The following ACTR3C variants were observed in gnomAD, a reference collection of about 807,000 sequenced individuals.
ACTR3C encodes the protein actin related protein 3C, also known as actin-related protein 3C.
ACTR3C carries 18 observed loss-of-function variants against 26.3 expected under a neutral mutation model. That is an observed-to-expected ratio of 0.68 (90% CI 0.47 to 1.01). ACTR3C has a LOEUF of 1.01. Ranked by LOEUF, ACTR3C falls within the 50% of genes least tolerant of loss-of-function variation. ACTR3C has a pLI of 0.00. For synonymous variants in ACTR3C, 55 were observed against 94.5 expected (o/e 0.58, Z 2.42); for missense variants, 184 against 250.7 (o/e 0.73, Z 1.80).
chr7:149,956,923 A>T, the ACTR3C span, among the ~76,000 whole-genome samples: 1 of 152,138 alleles, frequency 6.6e-6, no homozygotes, highest in Non-Finnish European at 1.5e-5. Context: ...GCACTTTGTC[A>T]CTGCTTGCCG....
chr7:150,152,373 C>T, the ACTR3C span, among the ~76,000 whole-genome samples: 2 of 152,050 alleles, frequency 1.3e-5, no homozygotes, highest in Non-Finnish European at 2.9e-5. Context: ...TTGTCAAAGG[C>T]CTTTTCTGCA....
chr7:150,054,289 T>G, the ACTR3C span, among the ~76,000 whole-genome samples: 1 of 152,204 alleles, frequency 6.6e-6, no homozygotes, highest in East Asian at 1.9e-4. Context: ...AATACTACTC[T>G]CCACCCCAGG....
chr7:150,305,662 A>C (rs1795755232), intron 1 of ACTR3C, among the ~76,000 whole-genome samples: 1 of 152,210 alleles, frequency 6.6e-6, no homozygotes, highest in African/African-American at 2.4e-5. Flanking sequence ...AGAGCACTGC[A>C]TCTCTTTGAC....
chr7:150,141,988 T>C, the ACTR3C span, among the ~76,000 whole-genome samples: 1 of 152,126 alleles, frequency 6.6e-6, no homozygotes, highest in Non-Finnish European at 1.5e-5. Context: ...TTTGTTGTAG[T>C]GTCTGTTCCT....
At chr7:150,303,360 TAG>T (rs1019332865) in intron 1 of ACTR3C, among the ~76,000 whole-genome samples, 1 of 152,132 alleles carries the variant, frequency 6.6e-6, no homozygotes, top group African/African-American at 2.4e-5. Context: ...GACACTAGAG[TAG>T]AGAGATTGTT....
At chr7:150,158,681 T>C in the ACTR3C span, among the ~76,000 whole-genome samples, 1 of 152,190 alleles carries the variant, frequency 6.6e-6, no homozygotes, top group Non-Finnish European at 1.5e-5. Context: ...GGTCAAAGGG[T>C]ACAACCTTGC....
chr7:150,098,667 C>G, the ACTR3C span, among the ~76,000 whole-genome samples: 2 of 151,774 alleles, frequency 1.3e-5, no homozygotes, highest in Non-Finnish European at 2.9e-5. Context: ...ATACACAGTT[C>G]AAATACGTAA....
the ACTR3C span, among the ~76,000 whole-genome samples, chr7:150,141,423 A>T: frequency 1.3e-5 from 2 of 151,900 alleles, no homozygotes; most frequent in Non-Finnish European, 2.9e-5. Flanking sequence ...TTCATTTAGG[A>T]CCCATTAGTA....
the ACTR3C span, among the ~76,000 whole-genome samples, chr7:149,974,700 A>C: frequency 6.6e-6 from 1 of 152,108 alleles, no homozygotes; most frequent in Admixed American, 6.5e-5. Flanking sequence ...CAACTTTCAC[A>C]TAGGTCTGGA....
Position 150,274,359 on chromosome 7 carries a change from T to C in ACTR3C, c.564+10394A>G, listed in dbSNP as rs1308605942. Among the ~76,000 whole-genome samples the C allele has an allele frequency of 6.6e-6, 1 of 152,204 alleles. No individual in the cohort carries two copies. The highest frequency in any genetic ancestry group is 1.5e-5 in the Non-Finnish European group (1 of 68,038). On this transcript the variant is annotated intron_variant, in intron 6 of 7. Coordinates refer to ENST00000683684, the MANE Select transcript of ACTR3C (RefSeq NM_001164458.2). This position sits in a 1 kb window ranked among gnomAD's most constrained non-coding sequence, Gnocchi z 4.1. ...CAGCATATTTTAGCAATAACATATT[T>C]TTTAAATGAAGGTATGTACACTGGT...
the ACTR3C span, chr7:150,040,796 T>G: frequency 4.8e-5 from 7 of 146,168 alleles, no homozygotes; most frequent in Non-Finnish European, 7.4e-5. Flanking sequence ...GTCCCCGCCT[T>G]GCGGGGGGTG....
the ACTR3C span, among the ~76,000 whole-genome samples, chr7:149,984,927 A>G: frequency 6.6e-6 from 1 of 152,172 alleles, no homozygotes; most frequent in Non-Finnish European, 1.5e-5. Flanking sequence ...TTTAAAAATT[A>G]GGAATATGTG....
chr7:150,123,755 C>T, the ACTR3C span, among the ~76,000 whole-genome samples: 1 of 152,114 alleles, frequency 6.6e-6, no homozygotes, highest in African/African-American at 2.4e-5. Flanking sequence ...TCTTTGGTGA[C>T]ATGAAAAAGA....
chr7:149,896,355 A>G, the ACTR3C span, among the ~76,000 whole-genome samples: 1 of 152,178 alleles, frequency 6.6e-6, no homozygotes, highest in Non-Finnish European at 1.5e-5. Context: ...GAAAGTTATT[A>G]TTAACCCTCA....
the ACTR3C span, among the ~76,000 whole-genome samples, chr7:149,913,417 C>T: frequency 1.3e-5 from 2 of 152,084 alleles, no homozygotes; most frequent in African/African-American, 4.8e-5. Context: ...TGGACATGGC[C>T]CAGGTCCTCA....
Position 150,286,414 on chromosome 7 carries a change from C to G in ACTR3C, c.424G>C (p.Val142Leu). ...GGTCCCAGGAATCTTTCGTAACCAA[C>G]GTCTATAACAAACTTCTTCTGGTTG... ...AINQKKFVID[V>L]GYERFLGPEI... The change falls in exon 5 of 8, where the codon GTT becomes CTT. Residue 142 changes from valine (V) to leucine (L), a missense_variant. Coordinates refer to ENST00000683684, the MANE Select transcript of ACTR3C (RefSeq NM_001164458.2). 1 of 1,613,720 alleles carries G rather than the reference C, an allele frequency of 6.2e-7. No individual in the cohort carries two copies. Among genetic ancestry groups the G allele is most frequent in the Non-Finnish European group, 8.5e-7 (1 of 1,179,986 alleles).
chr7:150,323,451 C>G lies in ACTR3C; in HGVS notation c.-52+18G>C. On this transcript the variant is annotated intron_variant, in intron 1 of 7. Coordinates refer to ENST00000683684, the MANE Select transcript of ACTR3C (RefSeq NM_001164458.2). The stretch of plus-strand genomic sequence containing the variant: ...TCAGGGGCCGCCAGGCGGCGGGCGG[C>G]GGGGCTGCGGCTCTTACCTGCCGAG... The G allele has an allele frequency of 1.1e-5, 4 of 356,092 alleles. No homozygotes were observed. The highest frequency in any genetic ancestry group is 6.0e-5 in the South Asian group (3 of 50,282). 22.1% of individuals were successfully genotyped at this position (356,092 alleles called of 1,614,324 possible). A position where few individuals can be genotyped will look rare whatever the true frequency, so the allele number is the denominator to read the frequency against.
At chr7:150,007,156 C>T in the ACTR3C span, among the ~76,000 whole-genome samples, 2 of 151,922 alleles carry the variant, frequency 1.3e-5, no homozygotes, top group African/African-American at 4.8e-5. Context: ...TTGCTGCTCA[C>T]GACCCAACGA....
the ACTR3C span, among the ~76,000 whole-genome samples, chr7:150,109,693 C>T: frequency 1.3e-5 from 2 of 150,468 alleles, no homozygotes; most frequent in Non-Finnish European, 3.0e-5. Flanking sequence ...TACCACTGCA[C>T]ATCCCAAGGG....
Sources: allele counts gnomAD v4.1 joint callset (sites outside exome capture counted in the v4.1 genomes callset), GRCh38; gene constraint gnomAD v4.1.1; non-coding constraint Gnocchi (gnomAD v3.1); transcripts MANE v1.5; gene names NCBI Gene and HGNC (gene_info 2026-07-23, HGNC 2026-07-21).